SPRY3: variants seen among roughly 807,000 people sequenced by gnomAD.
The protein encoded by SPRY3 is sprouty RTK signaling antagonist 3.
A neutral mutation model predicts 20.2 loss-of-function variants in SPRY3; 15 were observed. The ratio of observed to expected loss-of-function variants is 0.74; its 90% CI spans 0.50 to 1.14. SPRY3 has a LOEUF of 1.14. Ranked by LOEUF, SPRY3 falls within the 50% of genes most tolerant of loss-of-function variation. SPRY3 has a pLI of 0.00. For missense variants in SPRY3, 364 were observed against 363.9 expected (o/e 1.00, Z 0.00); for synonymous variants, 143 against 136.5 (o/e 1.05, Z -0.33).
Position 155,636,189 on chromosome X carries a change from A to C in SPRY3, c.-440-20678A>C, listed in dbSNP as rs188246737. ...TATTTGGAAGTTCTTATGCCAGTGA[A>C]CCAAAAATCAGGAAAGGCTACTCTA... On this transcript the variant is annotated intron_variant, in intron 1 of 3. Transcript: ENST00000675360. 8.1e-5 allele frequency among the ~76,000 whole-genome samples: 9 copies of C among 111,452 alleles called. No individual in the cohort carries two copies. In the East Asian group the frequency reaches 2.5e-3, roughly 31 times the overall value.
intron 1 of SPRY3, among the ~76,000 whole-genome samples, chrX:155,638,275 C>G (rs2067929925): frequency 1.4e-5 from 1 of 69,098 alleles, no homozygotes; most frequent in Non-Finnish European, 2.6e-5. Flanking sequence ...GGCAACATGG[C>G]GAGCCCCTGC....
chrX:155,709,567 C>A (rs919894746), intron 2 of SPRY3, among the ~76,000 whole-genome samples: 1 of 151,512 alleles, frequency 6.6e-6, no homozygotes, highest in Non-Finnish European at 1.5e-5. Flanking sequence ...TTATCAATTC[C>A]TTGTCAGATG....
At position 155,762,328 on chromosome X, in the gene SPRY3, A is replaced by G. The variant is rs193019849; in HGVS notation, c.-281-5634A>G. On this transcript the variant is annotated intron_variant, in intron 2 of 3. Coordinates refer to ENST00000675360, the Ensembl canonical transcript of SPRY3. ...CTAGTTGGAAAGATAAGACATATAC[A>G]TAAGTTACTACAGTACAAATTAAAA... is the stretch of plus-strand genomic sequence containing the variant. Among the ~76,000 whole-genome samples, 6 of 152,358 alleles carry G rather than the reference A, an allele frequency of 3.9e-5. No homozygotes were observed. The East Asian group carries it at 1.2e-3, about 29-fold the overall frequency.
At chrX:155,635,282 A>G (rs1200260411) in intron 1 of SPRY3, among the ~76,000 whole-genome samples, 3 of 111,295 alleles carry the variant, frequency 2.7e-5, no homozygotes, top group Non-Finnish European at 5.7e-5. Context: ...TATCCAGTCT[A>G]TCATTGATGG....
At chrX:155,651,758 A>G (rs1557352398) in intron 1 of SPRY3, among the ~76,000 whole-genome samples, 3 of 111,838 alleles carry the variant, frequency 2.7e-5, no homozygotes, top group Non-Finnish European at 5.6e-5. Context: ...GGTACATGAG[A>G]TGTTTCAATA....
chrX:155,696,294 G>A (rs1469998746), intron 2 of SPRY3, among the ~76,000 whole-genome samples: 2 of 108,263 alleles, frequency 1.8e-5, no homozygotes, highest in Non-Finnish European at 3.8e-5. Flanking sequence ...AGTTAATAGT[G>A]GTTGCTATTT....
intron 2 of SPRY3, among the ~76,000 whole-genome samples, chrX:155,759,952 T>G (rs1394584302): frequency 6.6e-6 from 1 of 152,228 alleles, no homozygotes; most frequent in African/African-American, 2.4e-5. Flanking sequence ...CTTCTTCAGA[T>G]AGAGTTTGAT....
intron 2 of SPRY3, among the ~76,000 whole-genome samples, chrX:155,719,405 C>A (rs1314846983): frequency 6.6e-6 from 1 of 152,018 alleles, no homozygotes; most frequent in African/African-American, 2.4e-5. Context: ...GGACAGCAAC[C>A]TCTAGGCGAG....
chrX:155,674,425 T>C (rs2068053302), intron 2 of SPRY3, among the ~76,000 whole-genome samples: 1 of 110,759 alleles, frequency 9.0e-6, no homozygotes, highest in Non-Finnish European at 1.9e-5. Flanking sequence ...ACTTAATACT[T>C]CCAGTGTTGG....
At chrX:155,727,481 T>C (rs1276319706) in intron 2 of SPRY3, among the ~76,000 whole-genome samples, 1 of 152,208 alleles carries the variant, frequency 6.6e-6, no homozygotes, top group African/African-American at 2.4e-5. Flanking sequence ...GTCCCATGTT[T>C]CTTGGAGGCT....
At chrX:155,773,307 G>GTTATATATAT (rs4013148) in intron 3 of SPRY3, among the ~76,000 whole-genome samples, 2,158 of 120,580 alleles carry the variant, frequency 0.018, 51 homozygotes, top group Non-Finnish European at 0.024. Flanking sequence ...ATTTTGATTG[G>GTTATATATAT]ATATATATAT....
chrX:155,727,026 T>C (rs913651395), intron 2 of SPRY3, among the ~76,000 whole-genome samples: 14 of 152,118 alleles, frequency 9.2e-5, no homozygotes, highest in Admixed American at 2.6e-4. Context: ...GGCATTTGCT[T>C]GTCTCTAAAG....
intron 2 of SPRY3, among the ~76,000 whole-genome samples, chrX:155,760,046 T>A (rs2091298170): frequency 6.6e-6 from 1 of 152,202 alleles, no homozygotes; most frequent in African/African-American, 2.4e-5. Flanking sequence ...CTACATCTAT[T>A]GTAATCACTG....
intron 1 of SPRY3, among the ~76,000 whole-genome samples, chrX:155,630,442 G>T (rs1557350351): frequency 9.0e-6 from 1 of 111,478 alleles, no homozygotes; most frequent in East Asian, 2.8e-4. Context: ...GATTTTGTTT[G>T]TCTGAGAAAG....
chrX:155,713,970 C>T (rs1207325334), intron 2 of SPRY3, among the ~76,000 whole-genome samples: 9 of 152,142 alleles, frequency 5.9e-5, no homozygotes, highest in African/African-American at 2.2e-4. Flanking sequence ...TTCATCAATT[C>T]TGCTATGAAG....
intron 3 of SPRY3, among the ~76,000 whole-genome samples, chrX:155,769,469 C>T (rs1260289085): frequency 6.6e-6 from 1 of 152,046 alleles, no homozygotes; most frequent in Non-Finnish European, 1.5e-5. Context: ...TGCCTACAGC[C>T]ACGCAGCAAA....
At position 155,722,002 on chromosome X, in the gene SPRY3, A is replaced by T. The variant is rs185970614; in HGVS notation, c.-281-45960A>T. Among the ~76,000 whole-genome samples the T allele has an allele frequency of 2.0e-5, 3 of 152,196 alleles. No homozygotes were observed. In the East Asian group the frequency reaches 5.8e-4, roughly 29 times the overall value. On this transcript the variant is annotated intron_variant, in intron 2 of 3. Transcript: ENST00000675360. The stretch of plus-strand genomic sequence containing the variant: ...ACCAATCAAAAACAATAACTACAAC[A>T]ACTCTTCAAGACATAGACAGTACAA...
At chrX:155,771,263 C>CTAGAT (rs2091379445) in intron 3 of SPRY3, among the ~76,000 whole-genome samples, 1 of 152,118 alleles carries the variant, frequency 6.6e-6, no homozygotes, top group African/African-American at 2.4e-5. Flanking sequence ...GAACATAATT[C>CTAGAT]TCATTATTGT....
intron 2 of SPRY3, among the ~76,000 whole-genome samples, chrX:155,764,083 T>C (rs761873980): frequency 1.7e-4 from 26 of 152,280 alleles, no homozygotes; most frequent in Admixed American, 4.6e-4. Context: ...CAGAAATAGA[T>C]GTGTTGATCT....
Sources: gnomAD v4.1 joint callset for allele counts (sites outside exome capture counted in the v4.1 genomes callset) on GRCh38, gnomAD v4.1.1 for gene constraint, MANE v1.5 for transcripts, NCBI Gene and HGNC (gene_info 2026-07-23, HGNC 2026-07-21) for gene names.